Variants in SIPA1L1 observed in about 807,000 individuals in gnomAD.
SIPA1L1 encodes the protein signal induced proliferation associated 1 like 1.
Under a neutral mutation model 162.7 loss-of-function variants are expected in SIPA1L1, and 26 were observed. The ratio of observed to expected loss-of-function variants is 0.16; its 90% CI spans 0.12 to 0.22. The LOEUF is 0.22. Ranked by LOEUF, SIPA1L1 falls within the 10% of genes least tolerant of loss-of-function variation. The pLI, the probability that SIPA1L1 is intolerant of heterozygous loss-of-function variation, is 1.00. For missense variants in SIPA1L1, 1,874 were observed against 2,241.0 expected (o/e 0.84, Z 3.31); for synonymous variants, 829 against 837.4 (o/e 0.99, Z 0.17).
chr14:71,347,551 A>G (rs1250908437), intron 2 of SIPA1L1, among the ~76,000 whole-genome samples: 24 of 152,172 alleles, frequency 1.6e-4, no homozygotes. Flanking sequence ...TATGCTTAGT[A>G]ACTCTAAACA....
intron 2 of SIPA1L1, among the ~76,000 whole-genome samples, chr14:71,432,101 T>C (rs2044032034): frequency 6.6e-6 from 1 of 152,018 alleles, no homozygotes; most frequent in Admixed American, 6.6e-5. Context: ...TGAGAAAGGA[T>C]CTTGTCTCTG....
At chr14:71,724,963 T>C in intron 19 of SIPA1L1, 128 bp downstream of exon 19, 2 of 770,872 alleles carry the variant, frequency 2.6e-6, no homozygotes, top group South Asian at 3.6e-5. Context: ...CACTTCCTGC[T>C]ATCATCCCAT....
chr14:71,484,038 G>T (rs1487685741), intron 2 of SIPA1L1, among the ~76,000 whole-genome samples: 1 of 152,118 alleles, frequency 6.6e-6, no homozygotes, highest in African/African-American at 2.4e-5. Flanking sequence ...AAAAGCAGGG[G>T]GCTCTGTCCT....
At chr14:71,668,825 T>G (rs2044257146) in intron 10 of SIPA1L1, among the ~76,000 whole-genome samples, 1 of 152,232 alleles carries the variant, frequency 6.6e-6, no homozygotes, top group Non-Finnish European at 1.5e-5. Flanking sequence ...ACTAGGCTAA[T>G]ATACATACAG....
At chr14:71,502,141 G>C (rs1258219357) in intron 2 of SIPA1L1, among the ~76,000 whole-genome samples, 1 of 140,250 alleles carries the variant, frequency 7.1e-6, no homozygotes, top group Non-Finnish European at 1.5e-5. Flanking sequence ...GAATTCTTCA[G>C]TATTAGCCAT....
chr14:71,588,679 A>G lies in SIPA1L1; in HGVS notation c.807A>G (p.Arg269=). Reference sequence around the variant, plus strand: ...TAATAGACGGGCCTATCTCACAGAGAGAGAACCTCAGGCTTTTTAAGGAAA... The same window carrying G: ...TAATAGACGGGCCTATCTCACAGAGGGAGAACCTCAGGCTTTTTAAGGAAA... The part of the protein sequence containing the change: ...LDVIDGPISQ[R]ENLRLFKERE... Residue 269 remains arginine (R), a synonymous_variant, in exon 5 of 24, where the codon AGA becomes AGG. Coordinates refer to ENST00000381232, the MANE Select transcript of SIPA1L1 (RefSeq NM_001386936.1). This position sits in a 1 kb window ranked among gnomAD's most constrained non-coding sequence, Gnocchi z 4.3. The G allele has an allele frequency of 6.2e-7, 1 of 1,614,032 alleles. No individual in the cohort carries two copies.
chr14:71,596,130 G>C (rs1040783657), intron 5 of SIPA1L1, among the ~76,000 whole-genome samples: 3 of 152,168 alleles, frequency 2.0e-5, no homozygotes, highest in African/African-American at 4.8e-5. Flanking sequence ...GCAGAGAAAG[G>C]CTTCAGTCCT....
Position 71,587,889 on chromosome 14 carries a change from G to T in SIPA1L1, c.17G>T (p.Arg6Leu). 1 of 1,607,658 alleles carries T rather than the reference G, an allele frequency of 6.2e-7. No individual in the cohort carries two copies. Among genetic ancestry groups the T allele is most frequent in the South Asian group, 1.1e-5 (1 of 90,998 alleles). Residue 6 changes from arginine (R) to leucine (L), a missense_variant, in exon 5 of 24, where the codon CGG becomes CTG. Arg to Leu is a moderately radical substitution (Grantham distance 102). Transcript: ENST00000381232. MTSLK[R>L]SQTERPLATD... is the part of the protein sequence containing the mutation. ...TTTTACATCATGACCAGCTTGAAAC[G>T]GTCACAGACAGAAAGGCCTCTTGCC...
intron 7 of SIPA1L1, among the ~76,000 whole-genome samples, chr14:71,636,740 T>C (rs2041184501): frequency 6.6e-6 from 1 of 152,134 alleles, no homozygotes; most frequent in South Asian, 2.1e-4. Context: ...AGGAAATTAA[T>C]GAAATGAAAG....
At chr14:71,580,562 A>G (rs1038651705) in intron 4 of SIPA1L1, among the ~76,000 whole-genome samples, 4 of 152,224 alleles carry the variant, frequency 2.6e-5, no homozygotes, top group African/African-American at 9.6e-5. Flanking sequence ...TTCAAATCCT[A>G]TAAATACTGC....
chr14:71,425,088 G>C (rs2043466789), intron 2 of SIPA1L1, among the ~76,000 whole-genome samples: 1 of 151,886 alleles, frequency 6.6e-6, no homozygotes. Context: ...TATTTCTGTA[G>C]AATCAGTAGT....
At chr14:71,480,165 G>A (rs1217935611) in intron 2 of SIPA1L1, among the ~76,000 whole-genome samples, 2 of 150,008 alleles carry the variant, frequency 1.3e-5, no homozygotes, top group African/African-American at 2.5e-5. Context: ...TCACTGCAAC[G>A]TCCACCTCCC....
intron 4 of SIPA1L1, among the ~76,000 whole-genome samples, chr14:71,545,702 C>T (rs559553351): frequency 1.3e-5 from 2 of 152,166 alleles, no homozygotes; most frequent in East Asian, 3.9e-4. Context: ...TCTGGCCCAT[C>T]GAACTAGCTA....
chr14:71,670,987 T>C (rs569929520), intron 10 of SIPA1L1, 132 bp from the exon 11 acceptor site: 53 of 724,264 alleles, frequency 7.3e-5, no homozygotes, highest in Non-Finnish European at 9.2e-5. Flanking sequence ...GAAATGTGTG[T>C]TGTTTCTCAT....
At chr14:71,463,694 A>G (rs2046777993) in intron 2 of SIPA1L1, among the ~76,000 whole-genome samples, 1 of 152,148 alleles carries the variant, frequency 6.6e-6, no homozygotes, top group Non-Finnish European at 1.5e-5. Flanking sequence ...CAAGTCCGGA[A>G]ATTGATTGAG....
chr14:71,357,316 G>A (rs908038865), intron 2 of SIPA1L1, among the ~76,000 whole-genome samples: 7 of 152,116 alleles, frequency 4.6e-5, no homozygotes, highest in African/African-American at 1.7e-4. Context: ...AAATCACATG[G>A]TCCAACACCC....
intron 2 of SIPA1L1, among the ~76,000 whole-genome samples, chr14:71,454,084 A>C (rs1358732691): frequency 1.3e-5 from 2 of 151,850 alleles, no homozygotes; most frequent in Admixed American, 1.3e-4. Flanking sequence ...TCTTAAAATA[A>C]CATGGAGACT....
intron 2 of SIPA1L1, among the ~76,000 whole-genome samples, chr14:71,491,104 AAG>A (rs1448805720): frequency 2.6e-5 from 4 of 152,208 alleles, no homozygotes; most frequent in African/African-American, 9.6e-5. Context: ...TAAAAATAAA[AAG>A]AAATTAAATT....
At position 71,417,601 on chromosome 14, in the gene SIPA1L1, G is replaced by A. The variant is rs567139254; in HGVS notation, c.-464-95142G>A. ...TTGTCTTTGCATTGGGTAAGCTGAT[G>A]AGGAGGAGGGAAAGAAGAGATTGGT... On this transcript the variant is annotated intron_variant, in intron 2 of 23. Transcript: ENST00000381232. Among the ~76,000 whole-genome samples the A allele has an allele frequency of 8.6e-5, 13 of 151,140 alleles. No individual in the cohort carries two copies. The East Asian group carries it at 2.3e-3, about 27-fold the overall frequency.
Sources: allele counts gnomAD v4.1 joint callset (sites outside exome capture counted in the v4.1 genomes callset), GRCh38; gene constraint gnomAD v4.1.1; non-coding constraint Gnocchi (gnomAD v3.1); transcripts MANE v1.5; gene names NCBI Gene and HGNC (gene_info 2026-07-23, HGNC 2026-07-21).